CELF4: variants seen among roughly 807,000 people sequenced by gnomAD.
CELF4 encodes CUGBP Elav-like family member 4.
A neutral mutation model predicts 59.9 loss-of-function variants in CELF4; 18 were observed. The observed-to-expected ratio is 0.30, with a 90% confidence interval of 0.21 to 0.45. CELF4 has a LOEUF of 0.45. Among genes scored for constraint, CELF4 ranks in the 20% least tolerant of loss-of-function variants. The probability of loss-of-function intolerance (pLI) is 1.00; values close to 1 mark genes in which losing one functional copy is unlikely to be tolerated. For missense variants in CELF4, 456 were observed against 689.0 expected (o/e 0.66, Z 3.79); for synonymous variants, 261 against 267.1 (o/e 0.98, Z 0.22).
intron 2 of CELF4, among the ~76,000 whole-genome samples, chr18:37,350,475 C>A (rs1249111033): frequency 1.3e-5 from 2 of 152,188 alleles, no homozygotes; most frequent in Non-Finnish European, 2.9e-5. Flanking sequence ...CCTGGCCTTG[C>A]TCTGTCTACC....
At chr18:37,249,833 G>T (rs977012318) in intron 12 of CELF4, among the ~76,000 whole-genome samples, 1 of 152,118 alleles carries the variant, frequency 6.6e-6, no homozygotes, top group African/African-American at 2.4e-5. Flanking sequence ...AAAATCAGCT[G>T]GTCTCAAGCA....
chr18:37,363,970 G>A (rs1218120244), intron 2 of CELF4, among the ~76,000 whole-genome samples: 8 of 152,234 alleles, frequency 5.3e-5, no homozygotes, highest in Admixed American at 5.2e-4. Flanking sequence ...ATCTGTCACT[G>A]TGTCTCCAGG....
chr18:37,383,377 T>A (rs1476445670), intron 2 of CELF4, among the ~76,000 whole-genome samples: 1 of 152,140 alleles, frequency 6.6e-6, no homozygotes, highest in East Asian at 1.9e-4. Flanking sequence ...GGAGACAAAC[T>A]GGGGGCAGGA....
intron 1 of CELF4, among the ~76,000 whole-genome samples, chr18:37,533,065 G>T (rs1211640299): frequency 6.6e-6 from 1 of 152,256 alleles, no homozygotes; most frequent in African/African-American, 2.4e-5. Flanking sequence ...GGCGTGGGCG[G>T]CCACTTCCAG....
At chr18:37,306,717 G>C (rs147115766) in intron 3 of CELF4, among the ~76,000 whole-genome samples, 1 of 152,134 alleles carries the variant, frequency 6.6e-6, no homozygotes, top group Non-Finnish European at 1.5e-5. Flanking sequence ...CGTGGTGAGC[G>C]GTGAGCGGAT....
chr18:37,275,459 C>T (rs1200273966), intron 3 of CELF4, among the ~76,000 whole-genome samples: 1 of 151,930 alleles, frequency 6.6e-6, no homozygotes, highest in Non-Finnish European at 1.5e-5. Flanking sequence ...GGTAGGAGCG[C>T]ACAGTCGCGG....
At position 37,565,684 on chromosome 18, in the gene CELF4, TCTCGCTC is replaced by T; in HGVS notation, c.-50_-44del. The T allele has an allele frequency of 6.8e-7, 1 of 1,478,904 alleles. No homozygotes were observed. Among genetic ancestry groups the T allele is most frequent in the Non-Finnish European group, 9.0e-7 (1 of 1,114,540 alleles). 91.6% of individuals were successfully genotyped at this position (1,478,904 alleles called of 1,614,324 possible). A position where few individuals can be genotyped will look rare whatever the true frequency, so the allele number is the denominator to read the frequency against. On this transcript the variant is annotated 5_prime_UTR_variant, in exon 1 of 13. Transcript: ENST00000420428. ...CTTTTATTCTTTCTCGCTCACACTC[TCTCGCTC>T]CTCTCTCTCGCTCGCTCGCGCTCAC...
chr18:37,397,852 T>C (rs1203296680), intron 2 of CELF4, among the ~76,000 whole-genome samples: 6 of 152,154 alleles, frequency 3.9e-5, no homozygotes, highest in Admixed American at 2.0e-4. Context: ...TCCCAGGAAT[T>C]CCATCCCCAG....
intron 1 of CELF4, among the ~76,000 whole-genome samples, chr18:37,531,655 C>T (rs1190148625): frequency 6.6e-6 from 1 of 152,084 alleles, no homozygotes; most frequent in Non-Finnish European, 1.5e-5. Flanking sequence ...GTGGGTGGAA[C>T]CAATAGTGTC....
intron 3 of CELF4, among the ~76,000 whole-genome samples, chr18:37,312,501 T>C (rs2096712753): frequency 6.6e-6 from 1 of 152,146 alleles, no homozygotes; most frequent in African/African-American, 2.4e-5. Flanking sequence ...GGGATTCAAG[T>C]ATACAAAAGA....
intron 3 of CELF4, among the ~76,000 whole-genome samples, chr18:37,315,995 G>C (rs1265238452): frequency 6.6e-6 from 1 of 152,286 alleles, no homozygotes; most frequent in Non-Finnish European, 1.5e-5. Context: ...CCTTGGTGGG[G>C]GAACTGTCCT....
chr18:37,441,145 G>A (rs1338225809), intron 2 of CELF4, among the ~76,000 whole-genome samples: 1 of 152,178 alleles, frequency 6.6e-6, no homozygotes, highest in East Asian at 1.9e-4. Context: ...CTTGGGATTT[G>A]TTTTTAAAGA....
Position 37,485,597 on chromosome 18 carries a change from GA to G in CELF4, c.296del (p.Phe99SerfsTer11). The G allele has an allele frequency of 6.8e-7, 1 of 1,461,144 alleles. No individual in the cohort carries two copies. Among genetic ancestry groups the G allele is most frequent in the Admixed American group, 2.1e-5 (1 of 47,518 alleles). The allele number at this position is 1,461,144 out of a possible 1,614,324, so 90.5% of individuals were successfully genotyped here. A position where few individuals can be genotyped will look rare whatever the true frequency, so the allele number is the denominator to read the frequency against. On this transcript the variant is annotated frameshift_variant, in exon 2 of 13. Coordinates refer to ENST00000420428, the MANE Select transcript of CELF4 (RefSeq NM_020180.4). LOFTEE classifies it high-confidence loss of function. Reference protein sequence around the residue: ...RFTGMHKGCAFLTYCERESAL... With the variant: ...RFTGMHKGCAXLTYCERESAL... Reference sequence around the variant, plus strand: ...CTGACTCACGCTCGCAGTAGGTGAGGAAGGCGCAGCCTGGGGAGGAAAGCAA... The same window carrying G: ...CTGACTCACGCTCGCAGTAGGTGAGGAGGCGCAGCCTGGGGAGGAAAGCAA...
intron 3 of CELF4, among the ~76,000 whole-genome samples, chr18:37,285,697 C>CTTCG (rs1262425941): frequency 6.6e-6 from 1 of 152,202 alleles, no homozygotes; most frequent in Non-Finnish European, 1.5e-5. Context: ...CCTCTCTGGC[C>CTTCG]TTCGGACCCT....
chr18:37,457,806 C>G (rs1393710101), intron 2 of CELF4, among the ~76,000 whole-genome samples: 1 of 152,136 alleles, frequency 6.6e-6, no homozygotes, highest in Non-Finnish European at 1.5e-5. Context: ...TCAAGCCTGA[C>G]CCCCAAGTTG....
intron 1 of CELF4, among the ~76,000 whole-genome samples, chr18:37,518,003 G>T (rs905949358): frequency 7.2e-5 from 11 of 152,152 alleles, no homozygotes; most frequent in Non-Finnish European, 1.5e-4. Context: ...AACAGTGGGG[G>T]TCCCCCTCCC....
At chr18:37,455,896 T>G (rs571905246) in intron 2 of CELF4, among the ~76,000 whole-genome samples, 4 of 152,290 alleles carry the variant, frequency 2.6e-5, no homozygotes, top group African/African-American at 7.2e-5. Context: ...CGCAACCTCC[T>G]TCCTTTGGAG....
intron 3 of CELF4, among the ~76,000 whole-genome samples, chr18:37,293,984 A>G (rs991137763): frequency 2.0e-5 from 3 of 152,160 alleles, no homozygotes; most frequent in Non-Finnish European, 4.4e-5. Context: ...TGACCCACCA[A>G]CCACCTGACT....
intron 3 of CELF4, among the ~76,000 whole-genome samples, chr18:37,312,823 C>G (rs893187339): frequency 6.6e-6 from 1 of 152,218 alleles, no homozygotes; most frequent in African/African-American, 2.4e-5. Flanking sequence ...CCAAACTCCC[C>G]TTGGTTTCCT....
Sources: gnomAD v4.1 joint callset for allele counts (sites outside exome capture counted in the v4.1 genomes callset) on GRCh38, gnomAD v4.1.1 for gene constraint, MANE v1.5 for transcripts, NCBI Gene and HGNC (gene_info 2026-07-23, HGNC 2026-07-21) for gene names.